KHDC1: variants seen among roughly 807,000 people sequenced by gnomAD.
KHDC1 encodes KH homology domain-containing protein 1.
A neutral mutation model predicts 24.7 loss-of-function variants in KHDC1; 21 were observed. The ratio of observed to expected loss-of-function variants is 0.85; its 90% CI spans 0.60 to 1.23. KHDC1 has a LOEUF of 1.23. Ranked by LOEUF, KHDC1 falls within the 50% of genes most tolerant of loss-of-function variation. The probability of loss-of-function intolerance (pLI) is 0.00; values close to 1 mark genes in which losing one functional copy is unlikely to be tolerated. For synonymous variants in KHDC1, 98 were observed against 111.7 expected, an observed-to-expected ratio of 0.88 and a Z score of 0.77; for missense variants, 274 against 298.5, an observed-to-expected ratio of 0.92 and a Z score of 0.61.
intron 2 of KHDC1, among the ~76,000 whole-genome samples, chr6:73,281,738 C>T (rs1767415797): frequency 6.6e-6 from 1 of 151,984 alleles, no homozygotes; most frequent in East Asian, 1.9e-4. Flanking sequence ...AAAGCCCATA[C>T]TTTATTCTGA....
At chr6:73,297,006 T>A (rs539333823) in intron 1 of KHDC1, among the ~76,000 whole-genome samples, 2 of 152,234 alleles carry the variant, frequency 1.3e-5, no homozygotes, top group Admixed American at 1.3e-4. Flanking sequence ...GTTCAAGCAA[T>A]TCTCCTGCCT....
chr6:73,297,250 CT>C (rs1261897946), intron 1 of KHDC1, among the ~76,000 whole-genome samples: 17 of 152,002 alleles, frequency 1.1e-4, no homozygotes, highest in Middle Eastern at 3.4e-3. Context: ...CAGTTTGCAC[CT>C]TTTTTTTCTT....
In KHDC1 at chr6:73,288,925, A is replaced by G. The variant is rs150267906; in HGVS notation, c.206+3073T>C. Among the ~76,000 whole-genome samples, 658 of 152,258 alleles carry G rather than the reference A, an allele frequency of 4.3e-3. 7 individuals are homozygous for G. Among genetic ancestry groups the G allele is most frequent in the African/African-American group, 0.015 (642 of 41,542 alleles). On this transcript the variant is annotated intron_variant, in intron 2 of 4. Transcript: ENST00000370384. ...AGACGGTCTTAAAGTTTTCAGCCCCAATTAAACCTAAATAGATTAAAATAT... is the reference window on the plus strand; with the variant it reads ...AGACGGTCTTAAAGTTTTCAGCCCCGATTAAACCTAAATAGATTAAAATAT...
At chr6:73,279,723 G>T (rs1485901032) in intron 2 of KHDC1, among the ~76,000 whole-genome samples, 1 of 151,622 alleles carries the variant, frequency 6.6e-6, no homozygotes, top group Non-Finnish European at 1.5e-5. Flanking sequence ...TGGACTATAG[G>T]CACCCACCAC....
At chr6:73,278,602 G>C (rs1767345881) in intron 2 of KHDC1, among the ~76,000 whole-genome samples, 1 of 152,050 alleles carries the variant, frequency 6.6e-6, no homozygotes, top group Non-Finnish European at 1.5e-5. Flanking sequence ...CACAAATGTT[G>C]ATGTTTTTAT....
intron 1 of KHDC1, among the ~76,000 whole-genome samples, chr6:73,295,078 G>A (rs1021551160): frequency 1.4e-4 from 21 of 151,972 alleles, no homozygotes; most frequent in East Asian, 3.9e-4. Flanking sequence ...CACTTGAACC[G>A]GGAGTTGGAT....
intron 1 of KHDC1, among the ~76,000 whole-genome samples, chr6:73,302,993 C>G (rs535787766): frequency 6.6e-6 from 1 of 152,356 alleles, no homozygotes; most frequent in South Asian, 2.1e-4. Context: ...ACAAGAATTG[C>G]TTGAACCCAA....
At chr6:73,292,973 T>C in intron 1 of KHDC1, 1 of 930,456 alleles carries the variant, frequency 1.1e-6, no homozygotes, top group Non-Finnish European at 1.7e-6. Context: ...TGAGACTTTC[T>C]GTCACATCCA....
chr6:73,242,232 C>T (rs777623338), exon 4 of KHDC1: 1 of 1,612,486 alleles, frequency 6.2e-7, no homozygotes, highest in African/African-American at 1.3e-5. Context: ...TATGTGTCAC[C>T]ATGCCCTGTG....
chr6:73,284,307 A>G (rs752466654), intron 2 of KHDC1, among the ~76,000 whole-genome samples: 2 of 152,186 alleles, frequency 1.3e-5, no homozygotes, highest in Admixed American at 6.6e-5. Context: ...CACTATTGTA[A>G]AACCTAAGAT....
At chr6:73,289,282 G>A (rs1219145883) in intron 2 of KHDC1, among the ~76,000 whole-genome samples, 5 of 119,382 alleles carry the variant, frequency 4.2e-5, no homozygotes, top group East Asian at 5.7e-4. Context: ...TGCAGTAAGC[G>A]AAGATTGCAC....
At chr6:73,263,146 C>A in intron 2 of KHDC1, 1 of 988,468 alleles carries the variant, frequency 1.0e-6, no homozygotes. Context: ...CCGACCCTTC[C>A]AGGGGTCCCG....
At chr6:73,266,210 A>G (rs1266558561) in intron 2 of KHDC1, among the ~76,000 whole-genome samples, 1 of 152,210 alleles carries the variant, frequency 6.6e-6, no homozygotes, top group Non-Finnish European at 1.5e-5. Flanking sequence ...GGCCTGACTT[A>G]TATAACAAAC....
rs370798414 is a variant in KHDC1 at position 73,251,622 on chromosome 6, T to C, written c.207-9092A>G. Among the ~76,000 whole-genome samples the C allele has an allele frequency of 1.1e-4, 16 of 152,274 alleles. 1 individual carries two copies. Among genetic ancestry groups the C allele is most frequent in the African/African-American group, 3.6e-4 (15 of 41,548 alleles). ...AAAATATAAACATAAAAAGAAATGT[T>C]TCAATGTCTTCTATTTTGGACATAA... On this transcript the variant is annotated intron_variant, in intron 2 of 4. Transcript: ENST00000370384.
intron 2 of KHDC1, among the ~76,000 whole-genome samples, chr6:73,243,623 C>G (rs1195591881): frequency 3.3e-5 from 5 of 152,196 alleles, no homozygotes; most frequent in African/African-American, 1.2e-4. Context: ...TTAATCCTAG[C>G]AACAGGTTGC....
At chr6:73,265,243 GAGA>G (rs1767058716) in intron 2 of KHDC1, among the ~76,000 whole-genome samples, 2 of 152,334 alleles carry the variant, frequency 1.3e-5, no homozygotes. Context: ...ATAATGTTGA[GAGA>G]AGAATGAAGT....
At chr6:73,276,504 T>TA (rs71540378) in intron 2 of KHDC1, 91,914 of 147,404 alleles carry the variant, frequency 0.62, 32,416 homozygotes, top group Non-Finnish European at 0.78. Flanking sequence ...GAAAAGTATT[T>TA]AAAAAAAAAA....
chr6:73,247,798 G>A (rs1158471515), intron 2 of KHDC1, among the ~76,000 whole-genome samples: 1 of 150,130 alleles, frequency 6.7e-6, no homozygotes, highest in East Asian at 1.9e-4. Flanking sequence ...AGAGGTTGCA[G>A]TGAGTGGACA....
intron 2 of KHDC1, among the ~76,000 whole-genome samples, chr6:73,251,163 T>C (rs981767475): frequency 6.6e-6 from 1 of 152,178 alleles, no homozygotes; most frequent in Non-Finnish European, 1.5e-5. Flanking sequence ...GTATATGCAA[T>C]AGTTCTGGCC....
Sources: gnomAD v4.1 joint callset for allele counts (sites outside exome capture counted in the v4.1 genomes callset) on GRCh38, gnomAD v4.1.1 for gene constraint, MANE v1.5 for transcripts, NCBI Gene and HGNC (gene_info 2026-07-23, HGNC 2026-07-21) for gene names.